The following SMARCA5 variants were observed in gnomAD, a reference collection of about 807,000 sequenced individuals.
The protein encoded by SMARCA5 is SNF2 related chromatin remodeling ATPase 5.
A neutral mutation model predicts 140.4 loss-of-function variants in SMARCA5; 18 were observed. The observed-to-expected ratio is 0.13, with a 90% CI of 0.09 to 0.19. SMARCA5 has a LOEUF of 0.19. SMARCA5 is among the 10% of genes least tolerant of loss of function. The pLI, the probability that SMARCA5 is intolerant of heterozygous loss-of-function variation, is 1.00. For missense variants in SMARCA5, 606 were observed against 1,276.8 expected (o/e 0.47, Z 8.01); for synonymous variants, 449 against 419.6 (o/e 1.07, Z -0.86).
chr4:143,540,196 G>T (rs1293961833), intron 13 of SMARCA5, among the ~76,000 whole-genome samples, 167 bp from the exon 14 acceptor site: 1 of 152,184 alleles, frequency 6.6e-6, no homozygotes, highest in African/African-American at 2.4e-5. Flanking sequence ...TTTTATCTCA[G>T]TGTAACCTAG....
At chr4:143,539,036 T>A in intron 13 of SMARCA5, 98 bp downstream of exon 13, 1 of 1,066,290 alleles carries the variant, frequency 9.4e-7, no homozygotes, top group Non-Finnish European at 1.4e-6. Flanking sequence ...CAATAGAATT[T>A]TATTTTTCTC....
intron 14 of SMARCA5, among the ~76,000 whole-genome samples, chr4:143,542,224 T>G (rs938822983): frequency 6.6e-6 from 1 of 152,086 alleles, no homozygotes; most frequent in African/African-American, 2.4e-5. Flanking sequence ...AATCTTGAGG[T>G]TTTTTTACTT....
At chr4:143,520,978 G>T (rs573258444) in intron 2 of SMARCA5, among the ~76,000 whole-genome samples, 1 of 152,216 alleles carries the variant, frequency 6.6e-6, no homozygotes, top group East Asian at 1.9e-4. Context: ...AAATTCACTT[G>T]TATTGCACAG....
intron 18 of SMARCA5, 28 bp downstream of exon 18, chr4:143,545,611 C>T (rs1737509190): frequency 1.6e-6 from 2 of 1,257,948 alleles, no homozygotes; most frequent in Non-Finnish European, 2.3e-6. Flanking sequence ...CCTTTCTGTT[C>T]ATTCCTATCC....
chr4:143,545,751 A>G (rs1201357507), intron 18 of SMARCA5, among the ~76,000 whole-genome samples, 168 bp downstream of exon 18: 1 of 152,142 alleles, frequency 6.6e-6, no homozygotes, highest in Non-Finnish European at 1.5e-5. Context: ...TTTTTCTTTA[A>G]CAAGAAAAAA....
intron 22 of SMARCA5, among the ~76,000 whole-genome samples, chr4:143,549,740 T>C (rs1324655460): frequency 6.6e-6 from 1 of 152,130 alleles, no homozygotes; most frequent in East Asian, 1.9e-4. Context: ...ATTGCTTTAA[T>C]TCCTAAGTGA....
At position 143,555,296 on chromosome 4, in the gene SMARCA5, C is replaced by A; in HGVS notation, c.*2112C>A. ...GTTGTCATTGCCAAAATCATTGTAG[C>A]TTTTACCACCTCCAAAATTGCTTCA... is the stretch of plus-strand genomic sequence containing the variant. On this transcript the variant is annotated 3_prime_UTR_variant, in exon 24 of 24. Coordinates refer to ENST00000283131, the MANE Select transcript of SMARCA5 (RefSeq NM_003601.4). The A allele has an allele frequency of 1.3e-6, 1 of 774,414 alleles. No homozygotes were observed. The highest frequency in any genetic ancestry group is 1.3e-5 in the South Asian group (1 of 75,002). 48.0% of individuals were successfully genotyped at this position (774,414 alleles called of 1,614,324 possible). A position where few individuals can be genotyped will look rare whatever the true frequency, so the allele number is the denominator to read the frequency against.
intron 22 of SMARCA5, 162 bp downstream of exon 22, chr4:143,548,302 G>A: frequency 4.1e-6 from 2 of 485,086 alleles, no homozygotes; most frequent in Non-Finnish European, 7.4e-6. Flanking sequence ...CAAGTTTATT[G>A]GTCCTATCCT....
At chr4:143,515,515 TTA>T (rs1345855707) in intron 1 of SMARCA5, among the ~76,000 whole-genome samples, 6 of 152,164 alleles carry the variant, frequency 3.9e-5, no homozygotes, top group African/African-American at 1.4e-4. Context: ...CAAAAATTGT[TTA>T]TAGTTTTTCC....
rs546376685 is a variant in SMARCA5 at position 143,513,781 on chromosome 4, G to C, written c.-144G>C. On this transcript the variant is annotated 5_prime_UTR_variant, in exon 1 of 24. Coordinates refer to ENST00000283131, the MANE Select transcript of SMARCA5 (RefSeq NM_003601.4). The stretch of plus-strand genomic sequence containing the variant: ...CCTGGGCCCGGCTCAGGCCCGTCGC[G>C]GAGGCGCGGCGCAGGGGAGCGCTCG... 1.1e-6 allele frequency: 1 copy of C among 930,064 alleles called. No homozygotes were observed. The highest frequency in any genetic ancestry group is 2.6e-5 in the Admixed American group (1 of 38,154). The allele number at this position is 930,064 out of a possible 1,614,324, so 57.6% of individuals were successfully genotyped here. A position where few individuals can be genotyped will look rare whatever the true frequency, so the allele number is the denominator to read the frequency against.
At chr4:143,549,806 C>T (rs1737606360) in intron 22 of SMARCA5, among the ~76,000 whole-genome samples, 191 bp from the exon 23 acceptor site, 2 of 151,890 alleles carry the variant, frequency 1.3e-5, no homozygotes. Flanking sequence ...GGAGTAAAAA[C>T]ATTATTTACA....
intron 2 of SMARCA5, among the ~76,000 whole-genome samples, chr4:143,520,535 A>G (rs1443279290): frequency 6.6e-6 from 1 of 152,236 alleles, no homozygotes; most frequent in East Asian, 1.9e-4. Flanking sequence ...TCCTTTTAAA[A>G]ATACGTAGTT....
rs1736756771 is a variant in SMARCA5 at position 143,513,872 on chromosome 4, A to G, written c.-53A>G. ...CATCCAGGCCTAGGCCTCCCCGTCC[A>G]TCCCCGCCGGACTCGGGCCTCTGGC... On this transcript the variant is annotated 5_prime_UTR_variant, in exon 1 of 24. Transcript: ENST00000283131. The G allele has an allele frequency of 1.2e-5, 19 of 1,523,180 alleles. No homozygotes were observed. In the South Asian group the frequency reaches 1.9e-4, roughly 15 times the overall value. The allele number at this position is 1,523,180 out of a possible 1,614,324, so 94.4% of individuals were successfully genotyped here.
intron 23 of SMARCA5, 120 bp downstream of exon 23, chr4:143,550,224 A>AATT: frequency 6.6e-5 from 18 of 271,948 alleles, no homozygotes; most frequent in Middle Eastern, 9.5e-4. Context: ...CATTGCCTTT[A>AATT]CTTTTTTTTT....
chr4:143,537,917 C>CA (rs34592654), intron 11 of SMARCA5, among the ~76,000 whole-genome samples: 1,547 of 101,338 alleles, frequency 0.015, 17 homozygotes, highest in African/African-American at 0.032. Flanking sequence ...GACTCCATCT[C>CA]AAAAAAAAAA....
At chr4:143,540,591 A>G (rs1737408103) in intron 14 of SMARCA5, 96 bp downstream of exon 14, 1 of 1,158,024 alleles carries the variant, frequency 8.6e-7, no homozygotes, top group Non-Finnish European at 1.2e-6. Context: ...CTAAGCATCC[A>G]TTGAGTCAAG....
At chr4:143,528,812 GTTA>G in intron 8 of SMARCA5, 98 bp downstream of exon 8, 1 of 1,026,442 alleles carries the variant, frequency 9.7e-7, no homozygotes, top group South Asian at 1.9e-5. Flanking sequence ...ATGGCTTGAG[GTTA>G]TTATTAATTT....
chr4:143,555,156 C>G lies in SMARCA5; in HGVS notation c.*1972C>G. 1 of 713,698 alleles carries G rather than the reference C, an allele frequency of 1.4e-6. No homozygotes were observed. Among genetic ancestry groups the G allele is most frequent in the South Asian group, 1.4e-5 (1 of 73,944 alleles). The allele number at this position is 713,698 out of a possible 1,614,324, so 44.2% of individuals were successfully genotyped here. ...TAACCACTACTGCTACTGGAACTGC[C>G]TTAGCCACCTTGGTATCGTGGTTTG... On this transcript the variant is annotated 3_prime_UTR_variant, in exon 24 of 24. Coordinates refer to ENST00000283131, the MANE Select transcript of SMARCA5 (RefSeq NM_003601.4).
At chr4:143,530,602 T>C in intron 9 of SMARCA5, 76 bp downstream of exon 9, 1 of 992,994 alleles carries the variant, frequency 1.0e-6, no homozygotes, top group Non-Finnish European at 1.5e-6. Context: ...TAGATTATTT[T>C]CCTGTTAATA....
Sources: allele counts gnomAD v4.1 joint callset (sites outside exome capture counted in the v4.1 genomes callset), GRCh38; gene constraint gnomAD v4.1.1; transcripts MANE v1.5; gene names NCBI Gene and HGNC (gene_info 2026-07-23, HGNC 2026-07-21).